STMN3: variants seen among roughly 807,000 people sequenced by gnomAD.
The protein encoded by STMN3 is stathmin-3.
A neutral mutation model predicts 23.2 loss-of-function variants in STMN3; 24 were observed. That is an observed-to-expected ratio of 1.03 (90% confidence interval 0.75 to 1.45). The LOEUF (loss-of-function observed/expected upper bound fraction) is 1.45, where lower values mean the gene tolerates loss of function less well. Among genes scored for constraint, STMN3 ranks in the 40% most tolerant of loss-of-function variants. The probability of loss-of-function intolerance (pLI) is 0.00; values close to 1 mark genes in which losing one functional copy is unlikely to be tolerated. For synonymous variants in STMN3, 117 were observed against 103.4 expected, an observed-to-expected ratio of 1.13 and a Z score of -0.80; for missense variants, 235 against 237.6, an observed-to-expected ratio of 0.99 and a Z score of 0.07.
chr20:63,646,156 G>C (rs1013788513), intron 1 of STMN3, among the ~76,000 whole-genome samples: 2 of 152,070 alleles, frequency 1.3e-5, no homozygotes, highest in Non-Finnish European at 2.9e-5. Context: ...GAGCAGCACA[G>C]AGCCCAAGAG....
At chr20:63,647,991 T>TATATATATACAC (rs1288050001) in intron 1 of STMN3, among the ~76,000 whole-genome samples, 771 of 75,860 alleles carry the variant, frequency 0.01, 40 homozygotes, top group Middle Eastern at 0.017. Context: ...CATATATATA[T>TATATATATACAC]ACAGAGAGAG....
intron 1 of STMN3, among the ~76,000 whole-genome samples, chr20:63,646,279 C>T (rs2089808199): frequency 2.0e-5 from 3 of 151,940 alleles, no homozygotes; most frequent in South Asian, 2.1e-4. Context: ...CTGTCTTGGT[C>T]ATTGTCTTCA....
rs1270286693 is a variant in STMN3 at position 63,643,777 on chromosome 20, C to T, written c.270G>A (p.Glu90=). The change falls in exon 3 of 5, where the codon GAG becomes GAA. Residue 90 remains glutamate, a synonymous_variant. Transcript: ENST00000370053. ...TSLEELQKRL[E]AAEERRKTQE... is the part of the protein sequence containing the mutation. ...TTGCCTTCCTCCGCTCCTCGGCTGC[C>T]TCCAGCCGCTTTTGCAGCTCCTCCA... 2 of 1,553,012 alleles carry T rather than the reference C, an allele frequency of 1.3e-6. No individual in the cohort carries two copies. The highest frequency in any genetic ancestry group is 1.7e-6 in the Non-Finnish European group (2 of 1,158,906).
chr20:63,651,645 C>G (rs913180962), intron 1 of STMN3, among the ~76,000 whole-genome samples: 4 of 152,228 alleles, frequency 2.6e-5, no homozygotes, highest in Admixed American at 2.0e-4. Flanking sequence ...TCTTAGCAGG[C>G]AAGCGGCCAA....
Position 63,642,113 on chromosome 20 carries a change from C to G in STMN3, c.478G>C (p.Glu160Gln), listed in dbSNP as rs772960740. 12 of 1,517,010 alleles carry G rather than the reference C, an allele frequency of 7.9e-6. No homozygotes were observed. The highest frequency in any genetic ancestry group is 8.8e-6 in the Non-Finnish European group (10 of 1,134,616). 94.0% of individuals were successfully genotyped at this position (1,517,010 alleles called of 1,614,324 possible). ...CCCCGGCCCCGCCCCCGCACCTTCT[C>G]GCGCAGCCGCTCGCGCAGTGCGGCC... ...HLAALRERLREKELHAAEVRR... is the reference protein window; with the variant it reads ...HLAALRERLRQKELHAAEVRR... The change falls in exon 4 of 5, where the codon GAG (glutamate) becomes CAG (glutamine). Residue 160 changes from glutamate (E) to glutamine (Q), a missense_variant. Glu to Gln is a conservative substitution (Grantham distance 29). Transcript: ENST00000370053.
chr20:63,641,526 C>G (rs2089762093), intron 4 of STMN3, 129 bp from the exon 5 acceptor site: 3 of 696,240 alleles, frequency 4.3e-6, no homozygotes, highest in East Asian at 5.4e-5. Context: ...TCGGCAGGAC[C>G]CTGACTGAGT....
chr20:63,641,621 T>A (rs1462222608), intron 4 of STMN3, among the ~76,000 whole-genome samples: 1 of 152,170 alleles, frequency 6.6e-6, no homozygotes, highest in East Asian at 1.9e-4. Flanking sequence ...GCCCCGCTTC[T>A]AGCTCGTACC....
Position 63,652,697 on chromosome 20 carries a change from C to T in STMN3, c.19+630G>A. 2.0e-6 allele frequency: 2 copies of T among 986,022 alleles called. No individual in the cohort carries two copies. The highest frequency in any genetic ancestry group is 2.4e-6 in the Non-Finnish European group (2 of 830,430). The allele number at this position is 986,022 out of a possible 1,614,324, so 61.1% of individuals were successfully genotyped here. A position where few individuals can be genotyped will look rare whatever the true frequency, so the allele number is the denominator to read the frequency against. On this transcript the variant is annotated intron_variant, in intron 1 of 4. Transcript: ENST00000370053. The surrounding 1 kb of genome is among the most constrained non-coding windows in gnomAD (Gnocchi z 5.3). ...CATCCAGACCCCGCGGCGCAAAGGG[C>T]AGTGGCTTTTCTGGCCAGAGCAGGT...
At chr20:63,648,656 A>G (rs2089836377) in intron 1 of STMN3, among the ~76,000 whole-genome samples, 1 of 152,166 alleles carries the variant, frequency 6.6e-6, no homozygotes, top group Non-Finnish European at 1.5e-5. Context: ...GAATCACTTG[A>G]GCCTGGAAGG....
In STMN3 at chr20:63,653,378, G is replaced by C; in HGVS notation, c.-33C>G. 1 of 1,533,852 alleles carries C rather than the reference G, an allele frequency of 6.5e-7. No homozygotes were observed. Among genetic ancestry groups the C allele is most frequent in the Non-Finnish European group, 8.8e-7 (1 of 1,139,404 alleles). ...GCGGCGGTTGGGCCTGCGGAGGCTGGAGAGGCGCAAGTGGCGGCCGGAGCT... is the reference window on the plus strand; with the variant it reads ...GCGGCGGTTGGGCCTGCGGAGGCTGCAGAGGCGCAAGTGGCGGCCGGAGCT... On this transcript the variant is annotated 5_prime_UTR_variant, in exon 1 of 5. Coordinates refer to ENST00000370053, the MANE Select transcript of STMN3 (RefSeq NM_015894.4).
At chr20:63,645,160 C>A (rs909654986) in intron 1 of STMN3, among the ~76,000 whole-genome samples, 6 of 152,180 alleles carry the variant, frequency 3.9e-5, no homozygotes, top group African/African-American at 1.4e-4. Flanking sequence ...TCTCTCTCCC[C>A]TCCTCCTCCT....
At chr20:63,643,524 G>T in intron 3 of STMN3, 1 of 537,014 alleles carries the variant, frequency 1.9e-6, no homozygotes. Flanking sequence ...CAAGTGATCT[G>T]CCTGCCTCAG....
chr20:63,642,093 G>GCCCCGC lies in STMN3; in HGVS notation c.483+9_483+14dup. The GCCCCGC allele has an allele frequency of 6.9e-7, 1 of 1,448,018 alleles. No homozygotes were observed. The highest frequency in any genetic ancestry group is 1.3e-5 in the South Asian group (1 of 75,654). 89.7% of individuals were successfully genotyped at this position (1,448,018 alleles called of 1,614,324 possible). On this transcript the variant is annotated intron_variant, in intron 4 of 4. Coordinates refer to ENST00000370053, the MANE Select transcript of STMN3 (RefSeq NM_015894.4). Reference sequence around the variant, plus strand: ...CCTGCCCGCTCCGAGCTCCGCCCCGGCCCCGCCCCCGCACCTTCTCGCGCA... The same window carrying GCCCCGC: ...CCTGCCCGCTCCGAGCTCCGCCCCGGCCCCGCCCCCGCCCCCGCACCTTCTCGCGCA...
At chr20:63,641,676 C>T (rs1318819206) in intron 4 of STMN3, among the ~76,000 whole-genome samples, 1 of 152,194 alleles carries the variant, frequency 6.6e-6, no homozygotes, top group Non-Finnish European at 1.5e-5. Context: ...ATGAATTTAG[C>T]CATCTATTAC....
chr20:63,641,456 AC>A (rs767918128), intron 4 of STMN3, 59 bp from the exon 5 acceptor site: 66 of 1,446,528 alleles, frequency 4.6e-5, no homozygotes, highest in East Asian at 3.2e-4. Context: ...GACTCCGGGA[AC>A]CCCCAGGCGC....
intron 1 of STMN3, among the ~76,000 whole-genome samples, chr20:63,644,657 C>T (rs536082902): frequency 2.0e-5 from 3 of 152,322 alleles, no homozygotes; most frequent in African/African-American, 7.2e-5. Context: ...TTACCCAAAA[C>T]TCATGTGTTG....
chr20:63,647,629 A>AAC (rs2089819039), intron 1 of STMN3, among the ~76,000 whole-genome samples: 1 of 142,756 alleles, frequency 7.0e-6, no homozygotes, highest in Non-Finnish European at 1.5e-5. Flanking sequence ...AACAAACACA[A>AAC]ACAAACATAT....
intron 1 of STMN3, among the ~76,000 whole-genome samples, chr20:63,646,129 C>A (rs2089807020): frequency 6.6e-6 from 1 of 152,008 alleles, no homozygotes; most frequent in South Asian, 2.1e-4. Flanking sequence ...TCCTGGTGAC[C>A]TACACTTTTC....
intron 1 of STMN3, among the ~76,000 whole-genome samples, chr20:63,648,803 CCT>C (rs2089837222): frequency 1.3e-5 from 2 of 152,058 alleles, no homozygotes; most frequent in Admixed American, 6.5e-5. Context: ...GCTCAAAGCC[CCT>C]GTCTGCCCTA....
Sources: allele counts gnomAD v4.1 joint callset (sites outside exome capture counted in the v4.1 genomes callset), GRCh38; gene constraint gnomAD v4.1.1; non-coding constraint Gnocchi (gnomAD v3.1); transcripts MANE v1.5; gene names NCBI Gene and HGNC (gene_info 2026-07-23, HGNC 2026-07-21).